The following C7orf57 variants were observed in gnomAD, a reference collection of about 807,000 sequenced individuals.
C7orf57 encodes the protein chromosome 7 open reading frame 57.
C7orf57 carries 33 observed loss-of-function variants against 39.0 expected under a neutral mutation model. The observed-to-expected ratio is 0.85, with a 90% CI of 0.64 to 1.13. The LOEUF is 1.13. C7orf57 is among the 50% of genes most tolerant of loss of function. The pLI is 0.00. For synonymous variants in C7orf57, 124 were observed against 137.1 expected (o/e 0.90, Z 0.67); for missense variants, 346 against 362.3 (o/e 0.95, Z 0.37).
chr7:48,051,809 T>TCTCTTCTCTTCTCTTCTC (rs1554299741), intron 6 of C7orf57, among the ~76,000 whole-genome samples: 1 of 83,732 alleles, frequency 1.2e-5, no homozygotes, highest in South Asian at 4.5e-4. Flanking sequence ...CTTCCTTCCT[T>TCTCTTCTCTTCTCTTCTC]TTCTCTTCTC....
intron 6 of C7orf57, among the ~76,000 whole-genome samples, chr7:48,051,795 T>TTTCTTTCCTTCC (rs1562629842): frequency 3.2e-4 from 25 of 77,504 alleles, no homozygotes; most frequent in East Asian, 5.6e-4. Flanking sequence ...TCTTTCTTTC[T>TTTCTTTCCTTCC]TTCCTTCCTT....
At position 48,054,506 on chromosome 7, in the gene C7orf57, AT is replaced by A. The variant is rs1172618893; in HGVS notation, c.830-85del. 6 of 1,147,324 alleles carry A rather than the reference AT, an allele frequency of 5.2e-6. No homozygotes were observed. In the African/African-American group the frequency reaches 9.4e-5, roughly 18 times the overall value. 71.1% of individuals were successfully genotyped at this position (1,147,324 alleles called of 1,614,324 possible). A position where few individuals can be genotyped will look rare whatever the true frequency, so the allele number is the denominator to read the frequency against. On this transcript the variant is annotated intron_variant, in intron 7 of 8. Transcript: ENST00000348904. ...TTATTGTTGTTTTAAGTAATACAGA[AT>A]TTTCATTAAATCTTTAAGTAATTAT...
At chr7:48,048,264 C>A (rs572114471) in intron 5 of C7orf57, among the ~76,000 whole-genome samples, 5 of 152,296 alleles carry the variant, frequency 3.3e-5, no homozygotes, top group Non-Finnish European at 5.9e-5. Flanking sequence ...AAGACAACAC[C>A]ATCACCGCTT....
At chr7:48,056,837 C>A (rs1791129701) in intron 8 of C7orf57, among the ~76,000 whole-genome samples, 1 of 152,094 alleles carries the variant, frequency 6.6e-6, no homozygotes, top group South Asian at 2.1e-4. Context: ...AATTTTCTTT[C>A]TCTGCATGTG....
intron 3 of C7orf57, among the ~76,000 whole-genome samples, chr7:48,042,285 A>T (rs1175461266): frequency 2.0e-5 from 3 of 152,220 alleles, no homozygotes; most frequent in African/African-American, 4.8e-5. Context: ...AGACCTAGAC[A>T]TTTTTTCTTA....
At chr7:48,051,665 TTCC>T (rs1360816645) in intron 6 of C7orf57, among the ~76,000 whole-genome samples, 1 of 146,264 alleles carries the variant, frequency 6.8e-6, no homozygotes, top group Non-Finnish European at 1.5e-5. Flanking sequence ...CCTTCCTTTC[TTCC>T]TTTCTTCCTT....
intron 3 of C7orf57, among the ~76,000 whole-genome samples, chr7:48,042,956 C>T (rs185002689): frequency 6.6e-6 from 1 of 152,250 alleles, no homozygotes; most frequent in Non-Finnish European, 1.5e-5. Flanking sequence ...GTGAAATCTC[C>T]CAGGTACCTT....
Position 48,050,726 on chromosome 7 carries a change from G to A in C7orf57, c.605+749G>A, listed in dbSNP as rs111801812. Among the ~76,000 whole-genome samples, 204 of 152,246 alleles carry A rather than the reference G, an allele frequency of 1.3e-3. 1 individual carries two copies. The highest frequency in any genetic ancestry group is 4.7e-3 in the African/African-American group (196 of 41,540). ...GTACGAGAGAGAAAATAAAGCATTA[G>A]GAGTGGCCTTGATAACAAAGTGATT... On this transcript the variant is annotated intron_variant, in intron 6 of 8. Coordinates refer to ENST00000348904, the MANE Select transcript of C7orf57 (RefSeq NM_001100159.3).
chr7:48,051,783 TTTCTTTCTTTCTTTCC>T (rs1409087943), intron 6 of C7orf57, among the ~76,000 whole-genome samples: 4 of 110,912 alleles, frequency 3.6e-5, no homozygotes, highest in African/African-American at 1.4e-4. Flanking sequence ...TCTTTCTTTC[TTTCTTTCTTTCTTTCC>T]TTCCTTCCTT....
chr7:48,042,650 T>A (rs1047549783), intron 3 of C7orf57, among the ~76,000 whole-genome samples: 7 of 151,226 alleles, frequency 4.6e-5, no homozygotes, highest in African/African-American at 1.7e-4. Flanking sequence ...TTTCTGTAAG[T>A]CTGAAACATT....
intron 5 of C7orf57, among the ~76,000 whole-genome samples, chr7:48,049,134 A>ATAAG (rs1264653901): frequency 1.3e-5 from 2 of 152,188 alleles, no homozygotes; most frequent in African/African-American, 4.8e-5. Flanking sequence ...CAAGCTTCTG[A>ATAAG]TAAGCCCCCT....
Position 48,052,695 on chromosome 7 carries a change from T to C in C7orf57, c.606-5T>C. ...AAGTTTCACATTACTTTTACTCTTT[T>C]TAAGGCCTGGTCAAAAAAACAGTTC... is the stretch of plus-strand genomic sequence containing the variant. On this transcript the variant is annotated splice_region_variant and splice_polypyrimidine_tract_variant and intron_variant, in intron 6 of 8. Transcript: ENST00000348904. 1 of 1,612,886 alleles carries C rather than the reference T, an allele frequency of 6.2e-7. No individual in the cohort carries two copies. Among genetic ancestry groups the C allele is most frequent in the Non-Finnish European group, 8.5e-7 (1 of 1,178,958 alleles).
chr7:48,047,164 T>C (rs1270505151), intron 5 of C7orf57, among the ~76,000 whole-genome samples: 1 of 152,156 alleles, frequency 6.6e-6, no homozygotes, highest in Non-Finnish European at 1.5e-5. Context: ...CCAGCTCTGT[T>C]GTTGGGAAGT....
At chr7:48,044,314 GATTTA>G (rs1329366081) in intron 4 of C7orf57, among the ~76,000 whole-genome samples, 1 of 152,168 alleles carries the variant, frequency 6.6e-6, no homozygotes, top group Non-Finnish European at 1.5e-5. Context: ...GCAGTTGCGA[GATTTA>G]ATAGAGTGAA....
At chr7:48,048,627 A>G (rs1790784603) in intron 5 of C7orf57, among the ~76,000 whole-genome samples, 1 of 152,096 alleles carries the variant, frequency 6.6e-6, no homozygotes, top group Admixed American at 6.5e-5. Flanking sequence ...CCCACCTTTT[A>G]TAGAGAACTG....
At position 48,048,633 on chromosome 7, in the gene C7orf57, A is replaced by T. The variant is rs186026445; in HGVS notation, c.508-1247A>T. Among the ~76,000 whole-genome samples the T allele has an allele frequency of 7.0e-4, 106 of 152,188 alleles. 2 individuals are homozygous for T. In the South Asian group the frequency reaches 9.4e-3, roughly 13 times the overall value. On this transcript the variant is annotated intron_variant, in intron 5 of 8. Coordinates refer to ENST00000348904, the MANE Select transcript of C7orf57 (RefSeq NM_001100159.3). ...AGAGCGAAACCCACCTTTTATAGAG[A>T]ACTGCTCCCCAGGTTTTGACTAAGG...
At chr7:48,046,722 G>A (rs1790729338) in intron 5 of C7orf57, 106 bp downstream of exon 5, 12 of 1,259,076 alleles carry the variant, frequency 9.5e-6, no homozygotes, top group Non-Finnish European at 1.3e-5. Context: ...TATGTTGCTC[G>A]TGGCATCGGC....
chr7:48,052,244 T>TC (rs1790975371), intron 6 of C7orf57, among the ~76,000 whole-genome samples: 1 of 152,138 alleles, frequency 6.6e-6, no homozygotes, highest in Non-Finnish European at 1.5e-5. Flanking sequence ...GTGCTAGGAT[T>TC]ATAGGCGTGA....
At position 48,061,063 on chromosome 7, in the gene C7orf57, T is replaced by A. The variant is rs2128801384; in HGVS notation, c.*791T>A. ...ATAAAATAATAATTTTATGTGAGAA[T>A]GTTTTCAAAAAGCCAAATAAAGTCA... On this transcript the variant is annotated 3_prime_UTR_variant, in exon 9 of 9. Transcript: ENST00000348904. The A allele has an allele frequency of 6.6e-6, 1 of 152,308 alleles. No homozygotes were observed. Among genetic ancestry groups the A allele is most frequent in the South Asian group, 2.1e-4 (1 of 4,828 alleles). 9.4% of individuals were successfully genotyped at this position (152,308 alleles called of 1,614,324 possible).
Sources: gnomAD v4.1 joint callset for allele counts (sites outside exome capture counted in the v4.1 genomes callset) on GRCh38, gnomAD v4.1.1 for gene constraint, MANE v1.5 for transcripts, NCBI Gene and HGNC (gene_info 2026-07-23, HGNC 2026-07-21) for gene names.